DENND2B: variants seen among roughly 807,000 people sequenced by gnomAD.
DENND2B encodes the protein DENN domain containing 2B, also known as DENN domain-containing protein 2B.
Under a neutral mutation model 116.0 loss-of-function variants are expected in DENND2B, and 32 were observed. The ratio of observed to expected loss-of-function variants is 0.28; its 90% CI spans 0.21 to 0.37. DENND2B has a LOEUF of 0.37. Among genes scored for constraint, DENND2B ranks in the 10% least tolerant of loss-of-function variants. DENND2B has a pLI of 1.00. For synonymous variants in DENND2B, 588 were observed against 583.9 expected, an observed-to-expected ratio of 1.01 and a Z score of -0.10; for missense variants, 1,276 against 1,477.7, an observed-to-expected ratio of 0.86 and a Z score of 2.24.
intron 1 of DENND2B, among the ~76,000 whole-genome samples, chr11:8,752,434 A>G (rs1486751380): frequency 1.3e-5 from 2 of 149,740 alleles, no homozygotes; most frequent in Non-Finnish European, 3.0e-5. Flanking sequence ...CCTGGGTGAC[A>G]GGGCAAGATT....
chr11:8,697,487 C>G (rs1214139748), intron 17 of DENND2B, 38 bp downstream of exon 17: 1 of 1,544,582 alleles, frequency 6.5e-7, no homozygotes. Context: ...CAGAGGGAGC[C>G]TGGAGCAGAG....
At position 8,849,777 on chromosome 11, in the gene DENND2B, C is replaced by T. The variant is rs190116395; in HGVS notation, c.-156+7566G>A. ...GGCAGAGGTTGCAGTGAGCTGAGAT[C>T]GCCCCACTGTACTCCAGCCTGGGTG... On this transcript the variant is annotated intron_variant, in intron 3 of 6. Coordinates refer to the DENND2B transcript ENST00000524757. 7.5e-4 allele frequency among the ~76,000 whole-genome samples: 112 copies of T among 149,784 alleles called. 4 individuals carry two copies. Among genetic ancestry groups the T allele is most frequent in the Admixed American group, 2.1e-3 (31 of 14,998 alleles).
At chr11:8,828,746 C>A (rs2062076464) in intron 4 of DENND2B, among the ~76,000 whole-genome samples, 1 of 152,154 alleles carries the variant, frequency 6.6e-6, no homozygotes, top group Admixed American at 6.5e-5. Context: ...GAACACTGAC[C>A]AAACAGAAGA....
At chr11:8,903,557 A>T (rs1355551345) in intron 1 of DENND2B, among the ~76,000 whole-genome samples, 2 of 151,998 alleles carry the variant, frequency 1.3e-5, no homozygotes, top group Admixed American at 1.3e-4. Context: ...ATTGTGAGGG[A>T]ATATTACCAA....
chr11:8,865,949 T>G (rs889868058), intron 2 of DENND2B, among the ~76,000 whole-genome samples: 1 of 151,552 alleles, frequency 6.6e-6, no homozygotes, highest in African/African-American at 2.4e-5. Flanking sequence ...CAGCCCTATT[T>G]TTCTTTTTCT....
chr11:8,827,773 C>T (rs1354113258), intron 4 of DENND2B, among the ~76,000 whole-genome samples: 1 of 152,176 alleles, frequency 6.6e-6, no homozygotes, highest in Non-Finnish European at 1.5e-5. Context: ...AACCCTGTAC[C>T]TCTGTTTTAT....
upstream of DENND2B, among the ~76,000 whole-genome samples, chr11:8,874,033 T>C (rs2063818722): frequency 6.6e-6 from 1 of 152,190 alleles, no homozygotes; most frequent in South Asian, 2.1e-4. Flanking sequence ...AGATATACTT[T>C]CCCATGTTCC....
At chr11:8,901,573 T>C (rs1210246906) in intron 1 of DENND2B, among the ~76,000 whole-genome samples, 2 of 152,190 alleles carry the variant, frequency 1.3e-5, no homozygotes, top group Non-Finnish European at 2.9e-5. Flanking sequence ...ATTTGACCTA[T>C]ATTCTTTTCT....
At chr11:8,855,415 C>T (rs2063159851) in intron 3 of DENND2B, among the ~76,000 whole-genome samples, 2 of 150,784 alleles carry the variant, frequency 1.3e-5, no homozygotes, top group Non-Finnish European at 3.0e-5. Flanking sequence ...AAAATTTAGC[C>T]TGATGGATCA....
intron 2 of DENND2B, among the ~76,000 whole-genome samples, chr11:8,857,895 C>T (rs1425276159): frequency 6.6e-6 from 1 of 152,176 alleles, no homozygotes; most frequent in East Asian, 1.9e-4. Context: ...AAGTATTCTT[C>T]GATTCCTATA....
intron 2 of DENND2B, among the ~76,000 whole-genome samples, chr11:8,745,209 C>G (rs2051019453): frequency 6.6e-6 from 1 of 152,104 alleles, no homozygotes; most frequent in African/African-American, 2.4e-5. Flanking sequence ...TGTGCACCAC[C>G]ACATCCAGCT....
At chr11:8,787,506 G>A (rs1423068879) in intron 1 of DENND2B, among the ~76,000 whole-genome samples, 1 of 152,148 alleles carries the variant, frequency 6.6e-6, no homozygotes, top group Non-Finnish European at 1.5e-5. Flanking sequence ...ACACACACCA[G>A]TAAACTCAGC....
intron 9 of DENND2B, among the ~76,000 whole-genome samples, chr11:8,711,447 G>A (rs1242994844): frequency 5.3e-5 from 8 of 152,122 alleles, no homozygotes; most frequent in Non-Finnish European, 1.2e-4. Context: ...ATCTGACACG[G>A]TGCTATGCGC....
chr11:8,763,634 T>TA (rs2055078531), intron 1 of DENND2B, among the ~76,000 whole-genome samples: 1 of 149,708 alleles, frequency 6.7e-6, no homozygotes, highest in Admixed American at 6.8e-5. Context: ...CAAGAATACA[T>TA]ACTAGATGAG....
intron 1 of DENND2B, among the ~76,000 whole-genome samples, chr11:8,774,492 G>A (rs1464385138): frequency 1.3e-5 from 2 of 152,136 alleles, no homozygotes; most frequent in East Asian, 1.9e-4. Flanking sequence ...ACAGAGTTGC[G>A]CTTCTGACAG....
intron 1 of DENND2B, among the ~76,000 whole-genome samples, chr11:8,908,728 A>G (rs2064270589): frequency 6.6e-6 from 1 of 152,214 alleles, no homozygotes. Flanking sequence ...CCTAAGCTTG[A>G]TAGCATTTTA....
At chr11:8,728,656 A>G (rs1007907279) in intron 3 of DENND2B, among the ~76,000 whole-genome samples, 5 of 151,692 alleles carry the variant, frequency 3.3e-5, no homozygotes, top group African/African-American at 9.7e-5. Context: ...TAGCTCAGCA[A>G]CTCCCTCTAT....
chr11:8,828,711 G>A (rs1029270204), intron 4 of DENND2B, among the ~76,000 whole-genome samples: 1 of 152,168 alleles, frequency 6.6e-6, no homozygotes, highest in African/African-American at 2.4e-5. Flanking sequence ...TGACCCGGAT[G>A]GCTGAGTGCC....
At chr11:8,755,195 G>T (rs936351909) in intron 1 of DENND2B, among the ~76,000 whole-genome samples, 2 of 152,172 alleles carry the variant, frequency 1.3e-5, no homozygotes, top group African/African-American at 4.8e-5. Flanking sequence ...ACAAACAGTA[G>T]TTCTCTCCCT....
Sources: allele counts gnomAD v4.1 joint callset (sites outside exome capture counted in the v4.1 genomes callset), GRCh38; gene constraint gnomAD v4.1.1; transcripts MANE v1.5; gene names NCBI Gene and HGNC (gene_info 2026-07-23, HGNC 2026-07-21).